Variants in PIEZO2 observed in about 807,000 individuals in gnomAD.
PIEZO2 encodes the protein piezo type mechanosensitive ion channel component 2.
A neutral mutation model predicts 337.3 loss-of-function variants in PIEZO2; 172 were observed. That is an observed-to-expected ratio of 0.51 (90% CI 0.45 to 0.58). The LOEUF (loss-of-function observed/expected upper bound fraction) is 0.58, where lower values mean the gene tolerates loss of function less well. Ranked by LOEUF, PIEZO2 falls within the 20% of genes least tolerant of loss-of-function variation. The pLI, the probability that PIEZO2 is intolerant of heterozygous loss-of-function variation, is 0.00. For synonymous variants in PIEZO2, 1,251 were observed against 1,228.5 expected (o/e 1.02, Z -0.38); for missense variants, 3,028 against 3,391.3 (o/e 0.89, Z 2.66).
intron 5 of PIEZO2, among the ~76,000 whole-genome samples, chr18:10,865,758 A>G (rs2041989178): frequency 6.6e-6 from 1 of 152,180 alleles, no homozygotes; most frequent in Admixed American, 6.5e-5. Flanking sequence ...TAGTACGAAG[A>G]AGTGACTGAG....
At chr18:10,801,517 G>T in intron 9 of PIEZO2, 89 bp from the exon 10 acceptor site, 1 of 1,215,068 alleles carries the variant, frequency 8.2e-7, no homozygotes, top group Non-Finnish European at 1.2e-6. Flanking sequence ...CTGTGCACAA[G>T]CCCATTCTCT....
chr18:10,919,854 G>C (rs968430661), intron 3 of PIEZO2, among the ~76,000 whole-genome samples: 1 of 151,068 alleles, frequency 6.6e-6, no homozygotes, highest in Non-Finnish European at 1.5e-5. Context: ...GGAAAGTAGA[G>C]ACACACACAC....
chr18:10,675,626 T>C (rs567538070), intron 53 of PIEZO2, among the ~76,000 whole-genome samples: 37 of 152,340 alleles, frequency 2.4e-4, no homozygotes, highest in Non-Finnish European at 4.1e-4. Flanking sequence ...TTCTTATCCA[T>C]ACCATTAAGC....
intron 4 of PIEZO2, among the ~76,000 whole-genome samples, chr18:10,892,651 AGAGG>A (rs938494853): frequency 2.8e-4 from 42 of 151,986 alleles, no homozygotes; most frequent in African/African-American, 9.7e-4. Flanking sequence ...TGAACCAGAG[AGAGG>A]GAGAGAGAAA....
chr18:11,045,487 T>C (rs2037278965), intron 2 of PIEZO2, among the ~76,000 whole-genome samples: 1 of 152,094 alleles, frequency 6.6e-6, no homozygotes, highest in Admixed American at 6.5e-5. Context: ...TTCAGCACCA[T>C]GCATGGGTGC....
chr18:11,025,957 C>T (rs2036525170), intron 2 of PIEZO2, among the ~76,000 whole-genome samples: 1 of 152,154 alleles, frequency 6.6e-6, no homozygotes, highest in Admixed American at 6.5e-5. Flanking sequence ...ATCACCTAAT[C>T]CTCAGACTCA....
rs138065994 is a variant in PIEZO2 at position 10,968,974 on chromosome 18, GTTT to G, written c.286+10558_286+10560del. On this transcript the variant is annotated intron_variant, in intron 3 of 55. Coordinates refer to ENST00000674853, the MANE Select transcript of PIEZO2 (RefSeq NM_001378183.1). ...AAACTCCTGATTCTAGGAAAAAATG[GTTT>G]TTATTTATAAATCCACCTACCTAAG... Among the ~76,000 whole-genome samples the G allele has an allele frequency of 8.8e-3, 1,343 of 152,192 alleles. 18 individuals carry two copies. The highest frequency in any genetic ancestry group is 0.03 in the African/African-American group (1,241 of 41,518).
In PIEZO2 at chr18:10,716,407, A is replaced by T. The variant is rs184472815; in HGVS notation, c.5090-591T>A. 4.8e-3 allele frequency among the ~76,000 whole-genome samples: 733 copies of T among 152,298 alleles called. 5 individuals are homozygous for T. Among genetic ancestry groups the T allele is most frequent in the African/African-American group, 0.017 (701 of 41,544 alleles). On this transcript the variant is annotated intron_variant, in intron 37 of 55. Transcript: ENST00000674853. This position sits in a 1 kb window ranked among gnomAD's most constrained non-coding sequence, Gnocchi z 4.1. ...CCTTATATAATATGTGTATATAGTG[A>T]CATCTGATGTTCTGTGTGACAATTT...
In PIEZO2 at chr18:11,069,883, A is replaced by G. The variant is rs1219960818; in HGVS notation, c.65-3661T>C. Among the ~76,000 whole-genome samples, 1 of 152,266 alleles carries G rather than the reference A, an allele frequency of 6.6e-6. No homozygotes were observed. Among genetic ancestry groups the G allele is most frequent in the Non-Finnish European group, 1.5e-5 (1 of 68,044 alleles). ...GGTATTTGCTATATGCTAACAATGA[A>G]CTATCTGAAAAAGAAATTTAAAAAA... On this transcript the variant is annotated intron_variant, in intron 1 of 55. Coordinates refer to ENST00000674853, the MANE Select transcript of PIEZO2 (RefSeq NM_001378183.1). This position sits in a 1 kb window ranked among gnomAD's most constrained non-coding sequence, Gnocchi z 4.9.
chr18:10,918,097 T>C (rs531050052), intron 3 of PIEZO2, among the ~76,000 whole-genome samples: 1 of 152,174 alleles, frequency 6.6e-6, no homozygotes, highest in Non-Finnish European at 1.5e-5. Context: ...ACCCCAGAAA[T>C]GGCTGCTCTA....
chr18:10,933,932 C>T (rs1414498263), intron 3 of PIEZO2, among the ~76,000 whole-genome samples: 1 of 152,212 alleles, frequency 6.6e-6, no homozygotes, highest in Non-Finnish European at 1.5e-5. Flanking sequence ...TTCCCCTTTG[C>T]TTTTTGCCAT....
chr18:11,073,545 C>T (rs888318527), intron 1 of PIEZO2, among the ~76,000 whole-genome samples: 5 of 152,178 alleles, frequency 3.3e-5, no homozygotes, highest in African/African-American at 1.2e-4. Flanking sequence ...ACTCGAGTGT[C>T]CCTGGATGCA....
intron 8 of PIEZO2, among the ~76,000 whole-genome samples, chr18:10,804,500 C>A (rs143353413): frequency 1.3e-5 from 2 of 152,164 alleles, no homozygotes; most frequent in South Asian, 2.1e-4. Flanking sequence ...GAGAGGAATA[C>A]GAGGAACAGA....
intron 3 of PIEZO2, among the ~76,000 whole-genome samples, chr18:10,917,087 C>T (rs1472057568): frequency 1.3e-5 from 2 of 151,200 alleles, no homozygotes; most frequent in East Asian, 3.9e-4. Flanking sequence ...TAACACTCCC[C>T]AAGTACAGGG....
rs1040386926 is a variant in PIEZO2 at position 10,940,721 on chromosome 18, G to T, written c.287-29493C>A. ...TACTAAAAAGACAAAAATTAGCTGG[G>T]CATGGTGGCTCGCGCCTGTAGTCCC... On this transcript the variant is annotated intron_variant, in intron 3 of 55. Transcript: ENST00000674853. The surrounding 1 kb of genome is among the most constrained non-coding windows in gnomAD (Gnocchi z 5.3). 6.6e-6 allele frequency among the ~76,000 whole-genome samples: 1 copy of T among 152,142 alleles called. No homozygotes were observed. The highest frequency in any genetic ancestry group is 1.5e-5 in the Non-Finnish European group (1 of 68,036).
intron 3 of PIEZO2, among the ~76,000 whole-genome samples, chr18:10,925,251 C>T (rs542833826): frequency 6.6e-6 from 1 of 152,170 alleles, no homozygotes; most frequent in African/African-American, 2.4e-5. Flanking sequence ...CATATTTCTA[C>T]ATGATTAGTT....
At chr18:11,066,305 GTC>G in intron 1 of PIEZO2, 83 bp from the exon 2 acceptor site, 1 of 983,318 alleles carries the variant, frequency 1.0e-6, no homozygotes, top group Non-Finnish European at 1.5e-6. Flanking sequence ...ACAAAAGATG[GTC>G]TCAGATGTCA....
chr18:11,064,286 C>A (rs1463430981), intron 2 of PIEZO2, among the ~76,000 whole-genome samples: 1 of 152,130 alleles, frequency 6.6e-6, no homozygotes, highest in Non-Finnish European at 1.5e-5. Context: ...GAATATTAGT[C>A]ATGGTTCTTG....
At chr18:10,848,661 G>A (rs1342723673) in intron 7 of PIEZO2, among the ~76,000 whole-genome samples, 3 of 152,140 alleles carry the variant, frequency 2.0e-5, no homozygotes, top group Non-Finnish European at 2.9e-5. Flanking sequence ...AAACAAGTCC[G>A]ACCCCTGCAG....
Sources: allele counts gnomAD v4.1 joint callset (sites outside exome capture counted in the v4.1 genomes callset), GRCh38; gene constraint gnomAD v4.1.1; non-coding constraint Gnocchi (gnomAD v3.1); transcripts MANE v1.5; gene names NCBI Gene and HGNC (gene_info 2026-07-23, HGNC 2026-07-21).